Variants in ARID1B observed in about 807,000 individuals in gnomAD.
The protein encoded by ARID1B is AT-rich interactive domain-containing protein 1B.
ARID1B carries 30 observed loss-of-function variants against 212.3 expected under a neutral mutation model. The observed-to-expected ratio is 0.14, with a 90% CI of 0.11 to 0.19. The LOEUF (loss-of-function observed/expected upper bound fraction) is 0.19. ARID1B is among the 10% of genes least tolerant of loss of function. The pLI, the probability that ARID1B is intolerant of heterozygous loss-of-function variation, is 1.00. For synonymous variants in ARID1B, 1,402 were observed against 1,301.7 expected (o/e 1.08, Z -1.66); for missense variants, 2,891 against 3,204.0 (o/e 0.90, Z 2.36).
intron 4 of ARID1B, among the ~76,000 whole-genome samples, chr6:157,062,925 G>A (rs1195410812): frequency 6.6e-6 from 1 of 151,260 alleles, no homozygotes; most frequent in African/African-American, 2.4e-5. Flanking sequence ...GGCTGGTCTC[G>A]GACTCCTGAC....
At chr6:157,137,457 A>G (rs1006680952) in intron 7 of ARID1B, among the ~76,000 whole-genome samples, 2 of 152,226 alleles carry the variant, frequency 1.3e-5, no homozygotes, top group African/African-American at 4.8e-5. Context: ...TTAATTATTA[A>G]TAAGTGAGTT....
intron 4 of ARID1B, among the ~76,000 whole-genome samples, chr6:156,970,408 T>A (rs1347518495): frequency 6.6e-6 from 1 of 152,152 alleles, no homozygotes. Flanking sequence ...AAATAAAAAA[T>A]TTTTAATCAA....
In ARID1B at chr6:156,955,144, G is replaced by A. The variant is rs1009906399; in HGVS notation, c.2247+19568G>A. Among the ~76,000 whole-genome samples, 11 of 152,200 alleles carry A rather than the reference G, an allele frequency of 7.2e-5. No homozygotes were observed. Among genetic ancestry groups the A allele is most frequent in the Non-Finnish European group, 1.5e-5 (1 of 68,030 alleles). On this transcript the variant is annotated intron_variant, in intron 4 of 19. Coordinates refer to ENST00000636930, the MANE Select transcript of ARID1B (RefSeq NM_001374828.1). This position sits in a 1 kb window ranked among gnomAD's most constrained non-coding sequence, Gnocchi z 4.2. ...TTCCTGGCTGCTGTTGGACTGGGTC[G>A]GGGCTGTTGTTCAAGCTTGCTAACG...
chr6:157,103,260 A>C lies in ARID1B; in HGVS notation c.2492-7212A>C, dbSNP rs146312954. Among the ~76,000 whole-genome samples the C allele has an allele frequency of 2.7e-4, 41 of 151,506 alleles. No homozygotes were observed. In the East Asian group the frequency reaches 7.2e-3, roughly 27 times the overall value. ...ATCATTAGCCATACTTTTTTTTTTC[A>C]ACAAATACTTATTGAATGGTTACTA... On this transcript the variant is annotated intron_variant, in intron 5 of 19. Coordinates refer to ENST00000636930, the MANE Select transcript of ARID1B (RefSeq NM_001374828.1).
At chr6:157,092,931 A>G (rs900867730) in intron 5 of ARID1B, among the ~76,000 whole-genome samples, 12 of 152,090 alleles carry the variant, frequency 7.9e-5, no homozygotes, top group Non-Finnish European at 1.6e-4. Flanking sequence ...CTGGAGAAGC[A>G]CTTCAGACAC....
intron 2 of ARID1B, among the ~76,000 whole-genome samples, chr6:156,844,596 A>G (rs1311584632): frequency 6.6e-6 from 1 of 152,208 alleles, no homozygotes; most frequent in African/African-American, 2.4e-5. Context: ...ATGTTCAGGC[A>G]ATATACTCAA....
chr6:157,179,439 A>G (rs1029538464), intron 11 of ARID1B, among the ~76,000 whole-genome samples: 2 of 152,144 alleles, frequency 1.3e-5, no homozygotes, highest in African/African-American at 4.8e-5. Flanking sequence ...TATAGTTTCT[A>G]TATTCTAAGT....
Position 157,208,522 on chromosome 6 carries a change from T to A in ARID1B, c.*631T>A, listed in dbSNP as rs1794621637. ...GAGCAAAAACAATGTTTTTTAAGAT[T>A]GAGAATACATACCTGACAACGATCC... On this transcript the variant is annotated 3_prime_UTR_variant, in exon 20 of 20. Transcript: ENST00000636930. 4.3e-6 allele frequency: 1 copy of A among 233,114 alleles called. No homozygotes were observed. 14.4% of individuals were successfully genotyped at this position (233,114 alleles called of 1,614,324 possible). A position where few individuals can be genotyped will look rare whatever the true frequency, so the allele number is the denominator to read the frequency against.
chr6:156,945,187 T>TG (rs1793007001), intron 4 of ARID1B, among the ~76,000 whole-genome samples: 3 of 138,752 alleles, frequency 2.2e-5, no homozygotes, highest in Non-Finnish European at 4.6e-5. Context: ...CGCCCGCCTC[T>TG]GCCACCCAAA....
intron 1 of ARID1B, among the ~76,000 whole-genome samples, chr6:156,798,187 T>C (rs1235799653): frequency 2.6e-5 from 4 of 152,252 alleles, no homozygotes; most frequent in African/African-American, 9.6e-5. Flanking sequence ...CCTGCCGCTC[T>C]GCTTTCTCTG....
At chr6:156,814,011 G>A (rs1781794298) in intron 1 of ARID1B, among the ~76,000 whole-genome samples, 1 of 152,320 alleles carries the variant, frequency 6.6e-6, no homozygotes, top group East Asian at 1.9e-4. Flanking sequence ...GGTACAGTGT[G>A]CCAGCAAACA....
At position 157,207,903 on chromosome 6, in the gene ARID1B, A is replaced by AGAGAAGTG; in HGVS notation, c.*13_*14insAGAAGTGG. 1 of 1,477,298 alleles carries AGAGAAGTG rather than the reference A, an allele frequency of 6.8e-7. No individual in the cohort carries two copies. The highest frequency in any genetic ancestry group is 9.0e-7 in the Non-Finnish European group (1 of 1,110,776). 91.5% of individuals were successfully genotyped at this position (1,477,298 alleles called of 1,614,324 possible). On this transcript the variant is annotated 3_prime_UTR_variant, in exon 20 of 20. Transcript: ENST00000636930. The surrounding 1 kb of genome is among the most constrained non-coding windows in gnomAD (Gnocchi z 8.5). ...TTGGGCAGTTATGACATAAGTGAGA[A>AGAGAAGTG]GGCAAGCATGTGTGAGTGAAGATTA...
Position 157,206,366 on chromosome 6 carries a change from A to T in ARID1B, c.5594A>T (p.Glu1865Val). Residue 1865 changes from glutamate (E) to valine (V), a missense_variant, in exon 20 of 20, where the codon GAG becomes GTG. Coordinates refer to ENST00000636930, the MANE Select transcript of ARID1B (RefSeq NM_001374828.1). The surrounding 1 kb of genome is among the most constrained non-coding windows in gnomAD (Gnocchi z 6.8). ...EEDAECIDDDEEDEEDEEEDS... is the reference protein window; with the variant it reads ...EEDAECIDDDVEDEEDEEEDS... ...GATGCTGAATGTATTGATGACGACG[A>T]GGAAGACGAGGAGGATGAGGAGGAA... 1 of 1,614,202 alleles carries T rather than the reference A, an allele frequency of 6.2e-7. No homozygotes were observed. The highest frequency in any genetic ancestry group is 8.5e-7 in the Non-Finnish European group (1 of 1,180,032).
At position 157,190,181 on chromosome 6, in the gene ARID1B, A is replaced by G; in HGVS notation, c.4202A>G (p.Asn1401Ser). The stretch of plus-strand genomic sequence containing the variant: ...ATGGGCAGGATGCCCTATGAGCCCA[A>G]CAAGGACCCCTTTGGGGGAATGAGA... ...DVMGRMPYEPNKDPFGGMRKV... is the reference protein window; with the variant it reads ...DVMGRMPYEPSKDPFGGMRKV... The change falls in exon 15 of 20, where the codon AAC becomes AGC. Residue 1401 changes from asparagine (N) to serine (S), a missense_variant. By Grantham distance (46) the Asn-to-Ser change is conservative. Transcript: ENST00000636930. The surrounding 1 kb of genome is among the most constrained non-coding windows in gnomAD (Gnocchi z 4.6). 1 of 1,613,664 alleles carries G rather than the reference A, an allele frequency of 6.2e-7. No homozygotes were observed. The highest frequency in any genetic ancestry group is 8.5e-7 in the Non-Finnish European group (1 of 1,179,876).
chr6:156,897,209 G>GCTTCTTCTTCTTCTT (rs1788493760), intron 2 of ARID1B, among the ~76,000 whole-genome samples: 1 of 73,014 alleles, frequency 1.4e-5, no homozygotes, highest in African/African-American at 4.7e-5. Context: ...TGCTGCTGCT[G>GCTTCTTCTTCTTCTT]CTGCTGCTGC....
At position 157,004,897 on chromosome 6, in the gene ARID1B, C is replaced by CTTTTTTGTTT. The variant is rs1562542228; in HGVS notation, c.2247+69327_2247+69328insGTTTTTTTTT. Among the ~76,000 whole-genome samples the CTTTTTTGTTT allele has an allele frequency of 2.2e-3, 122 of 54,718 alleles. 10 individuals carry two copies. The highest frequency in any genetic ancestry group is 0.011 in the Middle Eastern group (1 of 90). 35.9% of individuals were successfully genotyped at this position (54,718 alleles called of 152,430 possible). On this transcript the variant is annotated intron_variant, in intron 4 of 19. Coordinates refer to ENST00000636930, the MANE Select transcript of ARID1B (RefSeq NM_001374828.1). ...TTTTTTCTTTTTCTTCTTCTTTTTT[C>CTTTTTTGTTT]TTTTTTTTTTTTTTTTTTTTTTTTT...
At chr6:157,112,724 A>G (rs1787011816) in intron 6 of ARID1B, among the ~76,000 whole-genome samples, 1 of 152,190 alleles carries the variant, frequency 6.6e-6, no homozygotes, top group Admixed American at 6.5e-5. Context: ...ACAATTAGGA[A>G]ACTTAGCTAA....
At chr6:157,095,588 C>T (rs1262622847) in intron 5 of ARID1B, among the ~76,000 whole-genome samples, 1 of 152,256 alleles carries the variant, frequency 6.6e-6, no homozygotes, top group Middle Eastern at 3.2e-3. Flanking sequence ...GGAGCACATA[C>T]ATTTCTCACA....
chr6:157,190,153 G>A lies in ARID1B; in HGVS notation c.4174G>A (p.Val1392Met), dbSNP rs760402063. 7 of 1,614,138 alleles carry A rather than the reference G, an allele frequency of 4.3e-6. No homozygotes were observed. The Admixed American group carries it at 1.0e-4, about 23-fold the overall frequency. Residue 1392 changes from valine to methionine, a missense_variant, in exon 15 of 20, where the codon GTG (valine) becomes ATG (methionine). Val to Met is a conservative substitution (Grantham distance 21). Coordinates refer to ENST00000636930, the MANE Select transcript of ARID1B (RefSeq NM_001374828.1). The surrounding 1 kb of genome is among the most constrained non-coding windows in gnomAD (Gnocchi z 4.6). The part of the protein sequence containing the change: ...PYQQGMSMPD[V>M]MGRMPYEPNK... ...CCAGCAGGGCATGAGCATGCCCGAT[G>A]TGATGGGCAGGATGCCCTATGAGCC...
Sources: allele counts gnomAD v4.1 joint callset (sites outside exome capture counted in the v4.1 genomes callset), GRCh38; gene constraint gnomAD v4.1.1; non-coding constraint Gnocchi (gnomAD v3.1); transcripts MANE v1.5; gene names NCBI Gene and HGNC (gene_info 2026-07-23, HGNC 2026-07-21).